GRM7: variants seen among roughly 807,000 people sequenced by gnomAD.
GRM7 encodes the protein metabotropic glutamate receptor 7.
Under a neutral mutation model 84.5 loss-of-function variants are expected in GRM7, and 35 were observed. The observed-to-expected ratio is 0.41, with a 90% confidence interval of 0.32 to 0.55. GRM7 has a LOEUF of 0.55. Ranked by LOEUF, GRM7 falls within the 20% of genes least tolerant of loss-of-function variation. GRM7 has a pLI of 0.19. For synonymous variants in GRM7, 487 were observed against 455.1 expected (o/e 1.07, Z -0.89); for missense variants, 1,003 against 1,194.6 (o/e 0.84, Z 2.36).
intron 9 of GRM7, chr3:7,682,218 C>T (rs1700398149): frequency 6.6e-6 from 1 of 151,678 alleles, no homozygotes; most frequent in South Asian, 2.1e-4. Context: ...GCCTGTAATC[C>T]CAGCTACTTG....
chr3:7,059,648 A>G (rs997813074), intron 1 of GRM7, among the ~76,000 whole-genome samples: 68 of 151,676 alleles, frequency 4.5e-4, no homozygotes, highest in African/African-American at 1.6e-3. Context: ...TTAACCCTAT[A>G]TAGTACCTAA....
intron 9 of GRM7, among the ~76,000 whole-genome samples, chr3:7,694,840 A>G (rs1257817169): frequency 4.6e-5 from 7 of 152,174 alleles, no homozygotes; most frequent in African/African-American, 1.4e-4. Flanking sequence ...TCTAAAGTAC[A>G]TTTCAGTTTA....
intron 1 of GRM7, among the ~76,000 whole-genome samples, chr3:7,057,047 A>G (rs1697250893): frequency 6.6e-6 from 1 of 151,976 alleles, no homozygotes; most frequent in African/African-American, 2.4e-5. Flanking sequence ...TGTGGTGTGA[A>G]TTAATGCAAA....
At chr3:6,982,306 G>T (rs908916309) in intron 1 of GRM7, among the ~76,000 whole-genome samples, 1 of 152,140 alleles carries the variant, frequency 6.6e-6, no homozygotes, top group Non-Finnish European at 1.5e-5. Flanking sequence ...AGGGAGAAGG[G>T]TAGGAGGGGT....
At chr3:7,194,603 G>A (rs1695820924) in intron 2 of GRM7, among the ~76,000 whole-genome samples, 1 of 152,106 alleles carries the variant, frequency 6.6e-6, no homozygotes, top group Admixed American at 6.6e-5. Flanking sequence ...TCCTCTCACA[G>A]CAACCAGCAT....
chr3:7,359,448 C>A (rs1444769448), intron 4 of GRM7, among the ~76,000 whole-genome samples: 2 of 145,000 alleles, frequency 1.4e-5, no homozygotes, highest in Admixed American at 1.4e-4. Flanking sequence ...GATTCTCCTG[C>A]CTCAGTCTCC....
intron 2 of GRM7, among the ~76,000 whole-genome samples, chr3:7,148,875 G>T (rs1694191571): frequency 6.6e-6 from 1 of 152,094 alleles, no homozygotes; most frequent in Admixed American, 6.6e-5. Flanking sequence ...AGCTGGTGCT[G>T]CAGAAATGCA....
At chr3:7,027,296 T>A (rs1696018358) in intron 1 of GRM7, among the ~76,000 whole-genome samples, 1 of 152,106 alleles carries the variant, frequency 6.6e-6, no homozygotes, top group South Asian at 2.1e-4. Flanking sequence ...ATTGTAAAAT[T>A]AGAATATCTT....
At chr3:6,939,239 G>T (rs1453359278) in intron 1 of GRM7, among the ~76,000 whole-genome samples, 1 of 152,076 alleles carries the variant, frequency 6.6e-6, no homozygotes, top group Non-Finnish European at 1.5e-5. Context: ...GGCTTTAGTT[G>T]TAATAAGAAA....
intron 4 of GRM7, among the ~76,000 whole-genome samples, chr3:7,331,681 T>C (rs1450187639): frequency 6.6e-6 from 1 of 152,170 alleles, no homozygotes; most frequent in Admixed American, 6.6e-5. Context: ...ACCTATATCA[T>C]AGCACAGTAT....
intron 2 of GRM7, among the ~76,000 whole-genome samples, chr3:7,275,369 T>C (rs150163159): frequency 1.9e-3 from 286 of 152,298 alleles, no homozygotes; most frequent in Non-Finnish European, 2.9e-3. Flanking sequence ...CTAGGCATGA[T>C]GTACCTGCTA....
At chr3:7,686,360 G>C (rs759794015) in intron 9 of GRM7, 6 of 1,339,630 alleles carry the variant, frequency 4.5e-6, no homozygotes, top group Admixed American at 1.7e-5. Context: ...CCTGTAGACT[G>C]TATACCACCA....
intron 4 of GRM7, among the ~76,000 whole-genome samples, chr3:7,404,169 C>A (rs1414329349): frequency 6.6e-6 from 1 of 152,122 alleles, no homozygotes; most frequent in Non-Finnish European, 1.5e-5. Flanking sequence ...GCATATACTT[C>A]CTCTATGTCA....
At chr3:7,307,047 A>G (rs2125035509) in intron 4 of GRM7, among the ~76,000 whole-genome samples, 1 of 152,222 alleles carries the variant, frequency 6.6e-6, no homozygotes, top group Middle Eastern at 3.4e-3. Flanking sequence ...GAAGTACAAG[A>G]ACCCTTTCCC....
At chr3:7,096,587 G>A (rs1422997481) in intron 1 of GRM7, among the ~76,000 whole-genome samples, 2 of 152,036 alleles carry the variant, frequency 1.3e-5, no homozygotes, top group Non-Finnish European at 2.9e-5. Context: ...GGTGTCCAGA[G>A]TTTTTATGGG....
chr3:7,063,814 T>G (rs1461583701), intron 1 of GRM7, among the ~76,000 whole-genome samples: 1 of 151,762 alleles, frequency 6.6e-6, no homozygotes, highest in African/African-American at 2.4e-5. Flanking sequence ...TCTCCCCATC[T>G]GAGTCTGCAT....
chr3:7,315,162 G>C (rs1700539966), intron 4 of GRM7, among the ~76,000 whole-genome samples: 1 of 152,194 alleles, frequency 6.6e-6, no homozygotes, highest in Admixed American at 6.5e-5. Flanking sequence ...GATTGGTCCT[G>C]TGCTGGGACA....
chr3:7,314,989 T>C (rs995057275), intron 4 of GRM7, among the ~76,000 whole-genome samples: 2 of 152,198 alleles, frequency 1.3e-5, no homozygotes, highest in African/African-American at 2.4e-5. Flanking sequence ...TCTGCAAAGA[T>C]TGTATTCTTT....
intron 1 of GRM7, among the ~76,000 whole-genome samples, chr3:6,973,736 T>G (rs1398145051): frequency 6.6e-6 from 1 of 152,146 alleles, no homozygotes; most frequent in African/African-American, 2.4e-5. Context: ...CCTAGAATAT[T>G]CAAAGAGCAG....
Sources: gnomAD v4.1 joint callset for allele counts (sites outside exome capture counted in the v4.1 genomes callset) on GRCh38, gnomAD v4.1.1 for gene constraint, MANE v1.5 for transcripts, NCBI Gene and HGNC (gene_info 2026-07-23, HGNC 2026-07-21) for gene names.